ROR1: variants seen among roughly 807,000 people sequenced by gnomAD.
ROR1 encodes the protein ROR family WNT receptor 1.
Under a neutral mutation model 78.8 loss-of-function variants are expected in ROR1, and 19 were observed. That is an observed-to-expected ratio of 0.24 (90% CI 0.17 to 0.35). ROR1 has a LOEUF of 0.35. ROR1 is among the 10% of genes least tolerant of loss of function. ROR1 has a pLI of 1.00. For synonymous variants in ROR1, 386 were observed against 433.6 expected, an observed-to-expected ratio of 0.89 and a Z score of 1.36; for missense variants, 917 against 1,177.8, an observed-to-expected ratio of 0.78 and a Z score of 3.24.
At chr1:63,890,841 A>G (rs1239120842) in intron 1 of ROR1, among the ~76,000 whole-genome samples, 1 of 152,174 alleles carries the variant, frequency 6.6e-6, no homozygotes, top group Non-Finnish European at 1.5e-5. Context: ...TTTTTCTAGG[A>G]CTGTTCCAAA....
Position 63,774,431 on chromosome 1 carries a change from G to T in ROR1, c.14G>T (p.Arg5Leu). 2.0e-5 allele frequency: 23 copies of T among 1,177,254 alleles called. No individual in the cohort carries two copies. The highest frequency in any genetic ancestry group is 2.4e-5 in the Non-Finnish European group (23 of 957,752). 72.9% of individuals were successfully genotyped at this position (1,177,254 alleles called of 1,614,324 possible). The change falls in exon 1 of 9, where the codon CGC becomes CTC. Residue 5 changes from arginine (R) to leucine (L), a missense_variant. Coordinates refer to ENST00000371079, the MANE Select transcript of ROR1 (RefSeq NM_005012.4). The surrounding 1 kb of genome is among the most constrained non-coding windows in gnomAD (Gnocchi z 5.7). The part of the protein sequence containing the change: MHRP[R>L]RRGTRPPLLA... ...GCGAGAGGAGGAATGCACCGGCCGC[G>T]CCGCCGCGGGACGCGCCCGCCGCTC...
chr1:64,088,173 C>G (rs1647168286), intron 4 of ROR1, among the ~76,000 whole-genome samples: 1 of 152,122 alleles, frequency 6.6e-6, no homozygotes, highest in South Asian at 2.1e-4. Flanking sequence ...TATTGCTTTT[C>G]AGTACTATTG....
At chr1:63,823,473 AG>A (rs1644935641) in intron 1 of ROR1, among the ~76,000 whole-genome samples, 1 of 101,510 alleles carries the variant, frequency 9.9e-6, no homozygotes, top group Non-Finnish European at 1.8e-5. Flanking sequence ...TTTTTGAGAT[AG>A]GGTCTCACTC....
At chr1:63,943,188 C>T (rs778159667) in intron 1 of ROR1, among the ~76,000 whole-genome samples, 14 of 151,592 alleles carry the variant, frequency 9.2e-5, no homozygotes, top group Non-Finnish European at 1.9e-4. Context: ...ACACAGATGA[C>T]ACCTCCTTCC....
At chr1:63,795,705 G>A (rs1644756058) in intron 1 of ROR1, among the ~76,000 whole-genome samples, 1 of 152,186 alleles carries the variant, frequency 6.6e-6, no homozygotes, top group African/African-American at 2.4e-5. Context: ...AACACTTCAC[G>A]TGCCTTAGAT....
intron 8 of ROR1, among the ~76,000 whole-genome samples, chr1:64,167,503 GA>G (rs1488936969): frequency 6.6e-6 from 1 of 152,310 alleles, no homozygotes; most frequent in East Asian, 1.9e-4. Flanking sequence ...TGTAGTCTTT[GA>G]AAATGTCCAT....
At chr1:63,936,914 C>G (rs1007720428) in intron 1 of ROR1, among the ~76,000 whole-genome samples, 1 of 152,164 alleles carries the variant, frequency 6.6e-6, no homozygotes, top group African/African-American at 2.4e-5. Context: ...TTACCAAACA[C>G]AGGGCCATTT....
chr1:64,003,300 A>T (rs1369676837), intron 1 of ROR1, among the ~76,000 whole-genome samples: 1 of 152,156 alleles, frequency 6.6e-6, no homozygotes, highest in African/African-American at 2.4e-5. Flanking sequence ...TGGATTCATC[A>T]CATATATAAG....
rs555207156 is a variant in ROR1, at chr1:64,065,893, T to A, written c.482+15177T>A. Among the ~76,000 whole-genome samples, 3 of 152,340 alleles carry A rather than the reference T, an allele frequency of 2.0e-5. No homozygotes were observed. In the South Asian group the frequency reaches 6.2e-4, roughly 32 times the overall value. On this transcript the variant is annotated intron_variant, in intron 4 of 8. Transcript: ENST00000371079. ...AGTGGTTCTGAAGATTAGTCTGGGG[T>A]CAATTCAGGCCAGCTGGGATCACCC...
intron 7 of ROR1, among the ~76,000 whole-genome samples, chr1:64,153,875 G>A (rs1649698478): frequency 1.3e-5 from 2 of 152,110 alleles, no homozygotes; most frequent in Non-Finnish European, 2.9e-5. Context: ...ATTAAAAATG[G>A]TTAAGATGGT....
At chr1:64,033,282 T>G (rs1646675836) in intron 2 of ROR1, among the ~76,000 whole-genome samples, 1 of 152,200 alleles carries the variant, frequency 6.6e-6, no homozygotes, top group Non-Finnish European at 1.5e-5. Context: ...TTAATTTTGT[T>G]GTTTTCAAAA....
intron 1 of ROR1, among the ~76,000 whole-genome samples, chr1:63,870,773 A>C (rs903818774): frequency 2.0e-5 from 3 of 152,190 alleles, no homozygotes; most frequent in African/African-American, 7.2e-5. Flanking sequence ...TGATAACTCA[A>C]ACCTTTCCAA....
At chr1:64,163,969 C>T (rs923019317) in intron 8 of ROR1, among the ~76,000 whole-genome samples, 1 of 152,156 alleles carries the variant, frequency 6.6e-6, no homozygotes, top group Admixed American at 6.5e-5. Flanking sequence ...ATCCAGTGAC[C>T]TTTGCCAAGT....
At chr1:63,885,445 G>A (rs941809773) in intron 1 of ROR1, among the ~76,000 whole-genome samples, 3 of 151,552 alleles carry the variant, frequency 2.0e-5, no homozygotes, top group East Asian at 1.9e-4. Flanking sequence ...TGAACAAACA[G>A]GGGGATATGG....
intron 1 of ROR1, among the ~76,000 whole-genome samples, chr1:63,997,063 G>T (rs201434440): frequency 3.8e-5 from 1 of 26,612 alleles, no homozygotes; most frequent in African/African-American, 4.5e-5. Flanking sequence ...ACTGTAAGGT[G>T]CTTGGAATCT....
intron 1 of ROR1, among the ~76,000 whole-genome samples, chr1:63,989,015 A>G (rs1369826526): frequency 6.6e-6 from 1 of 152,174 alleles, no homozygotes. Context: ...CAGAAGTGGA[A>G]TTCCTAGATT....
In ROR1 at chr1:64,051,463, AAAAT is replaced by A. The variant is rs201865424; in HGVS notation, c.482+751_482+754del. On this transcript the variant is annotated intron_variant, in intron 4 of 8. Coordinates refer to ENST00000371079, the MANE Select transcript of ROR1 (RefSeq NM_005012.4). ...AGACTCCGTCTCAAAAATAAAAAAT[AAAAT>A]AAAATAAAATAAAATAAAATAAAAT... is the stretch of plus-strand genomic sequence containing the variant. Among the ~76,000 whole-genome samples the A allele has an allele frequency of 2.0e-3, 42 of 20,984 alleles. 1 individual carries two copies. The highest frequency in any genetic ancestry group is 0.011 in the East Asian group (1 of 92). 13.8% of individuals were successfully genotyped at this position (20,984 alleles called of 152,430 possible). A position where few individuals can be genotyped will look rare whatever the true frequency, so the allele number is the denominator to read the frequency against.
intron 7 of ROR1, among the ~76,000 whole-genome samples, chr1:64,145,839 C>T (rs1002847707): frequency 5.3e-5 from 8 of 152,158 alleles, no homozygotes; most frequent in African/African-American, 1.9e-4. Context: ...TTTCTTTATC[C>T]TCATCCTCAT....
intron 1 of ROR1, among the ~76,000 whole-genome samples, chr1:63,893,000 AG>A (rs1164240119): frequency 1.4e-4 from 21 of 152,316 alleles, no homozygotes. Flanking sequence ...GGCAGAAGAA[AG>A]CAAAAAGCAG....
Sources: gnomAD v4.1 joint callset for allele counts (sites outside exome capture counted in the v4.1 genomes callset) on GRCh38, gnomAD v4.1.1 for gene constraint, Gnocchi (gnomAD v3.1) non-coding constraint, MANE v1.5 for transcripts, NCBI Gene and HGNC (gene_info 2026-07-23, HGNC 2026-07-21) for gene names.